Variants in ARHGAP15 observed in about 807,000 individuals in gnomAD.
ARHGAP15 encodes the protein Rho GTPase activating protein 15.
In ARHGAP15, 51 loss-of-function variants were observed where a neutral mutation model predicts 63.7. The ratio of observed to expected loss-of-function variants is 0.80; its 90% confidence interval spans 0.64 to 1.01. ARHGAP15 has a LOEUF of 1.01. Ranked by LOEUF, ARHGAP15 falls within the 50% of genes least tolerant of loss-of-function variation. ARHGAP15 has a pLI of 0.00. For missense variants in ARHGAP15, 560 were observed against 564.6 expected, an observed-to-expected ratio of 0.99 and a Z score of 0.08; for synonymous variants, 191 against 193.8, an observed-to-expected ratio of 0.99 and a Z score of 0.12.
chr2:143,595,370 A>C (rs546430725), intron 11 of ARHGAP15, among the ~76,000 whole-genome samples: 1 of 152,182 alleles, frequency 6.6e-6, no homozygotes, highest in South Asian at 2.1e-4. Context: ...AATGCATTAT[A>C]CTAAATAAGT....
intron 12 of ARHGAP15, among the ~76,000 whole-genome samples, chr2:143,658,905 G>A (rs1681598347): frequency 6.6e-6 from 1 of 152,206 alleles, no homozygotes; most frequent in Non-Finnish European, 1.5e-5. Context: ...CAGGGACTGA[G>A]TTCGGCTAAT....
intron 12 of ARHGAP15, among the ~76,000 whole-genome samples, chr2:143,624,921 A>T (rs977639916): frequency 1.3e-5 from 2 of 151,938 alleles, no homozygotes; most frequent in East Asian, 3.9e-4. Flanking sequence ...TAATTCATAA[A>T]ACACACACAC....
intron 6 of ARHGAP15, among the ~76,000 whole-genome samples, chr2:143,378,764 G>A (rs1480383976): frequency 6.6e-6 from 1 of 152,012 alleles, no homozygotes; most frequent in Non-Finnish European, 1.5e-5. Context: ...AAGACAGGTT[G>A]CTTGAGGAAA....
In ARHGAP15 at chr2:143,133,612, C is replaced by CT. The variant is rs1160896664; in HGVS notation, c.-15+4154dup. 3.9e-5 allele frequency among the ~76,000 whole-genome samples: 6 copies of CT among 151,938 alleles called. No homozygotes were observed. The East Asian group carries it at 5.8e-4, about 15-fold the overall frequency. On this transcript the variant is annotated intron_variant, in intron 1 of 13. Transcript: ENST00000295095. ...TTATTCAAGTTATGGTTATAACAAT[C>CT]TTTTTTTTCATTTGATGAAGGCCTT...
At chr2:143,248,303 G>C (rs1293281166) in intron 5 of ARHGAP15, among the ~76,000 whole-genome samples, 1 of 152,130 alleles carries the variant, frequency 6.6e-6, no homozygotes, top group Admixed American at 6.5e-5. Flanking sequence ...AGGTATTCCA[G>C]GTAAACAGGT....
intron 8 of ARHGAP15, among the ~76,000 whole-genome samples, chr2:143,462,260 G>T (rs1346268943): frequency 3.3e-5 from 5 of 152,136 alleles, no homozygotes; most frequent in Non-Finnish European, 7.4e-5. Flanking sequence ...TCTCCATTCT[G>T]CTGGGAATTG....
intron 8 of ARHGAP15, among the ~76,000 whole-genome samples, chr2:143,475,143 TC>T (rs1691752303): frequency 6.6e-6 from 1 of 152,192 alleles, no homozygotes; most frequent in Non-Finnish European, 1.5e-5. Flanking sequence ...TTTCTCTCCT[TC>T]TTTAGAAATG....
chr2:143,255,201 A>G (rs1027248841), intron 6 of ARHGAP15, among the ~76,000 whole-genome samples: 2 of 152,188 alleles, frequency 1.3e-5, no homozygotes, highest in African/African-American at 4.8e-5. Flanking sequence ...GAATATGTCA[A>G]TTACCTGTTT....
At chr2:143,156,098 C>T (rs1387442597) in intron 2 of ARHGAP15, among the ~76,000 whole-genome samples, 8 of 151,226 alleles carry the variant, frequency 5.3e-5, no homozygotes, top group Non-Finnish European at 1.0e-4. Context: ...CAATAATATA[C>T]GATACTGGAA....
chr2:143,751,111 T>G (rs968135244), intron 13 of ARHGAP15, among the ~76,000 whole-genome samples: 2 of 152,050 alleles, frequency 1.3e-5, no homozygotes, highest in African/African-American at 4.8e-5. Flanking sequence ...CCAACAGAAG[T>G]AAAGATGGAG....
At chr2:143,765,304 G>C (rs1244874984) in intron 13 of ARHGAP15, among the ~76,000 whole-genome samples, 1 of 152,052 alleles carries the variant, frequency 6.6e-6, no homozygotes, top group East Asian at 1.9e-4. Context: ...AGGTAGATGG[G>C]CATGTTAAAG....
chr2:143,157,855 G>A (rs1395712160), intron 2 of ARHGAP15, among the ~76,000 whole-genome samples: 1 of 151,832 alleles, frequency 6.6e-6, no homozygotes, highest in East Asian at 1.9e-4. Context: ...TTGGGTGGTG[G>A]GGTGAGGTCA....
chr2:143,187,201 T>C (rs1271064979), intron 2 of ARHGAP15, among the ~76,000 whole-genome samples: 6 of 152,192 alleles, frequency 3.9e-5, no homozygotes, highest in African/African-American at 1.4e-4. Flanking sequence ...ACTAGTTGAC[T>C]ATTTCTTGGG....
chr2:143,204,098 C>A (rs953652587), intron 3 of ARHGAP15, among the ~76,000 whole-genome samples: 1 of 152,066 alleles, frequency 6.6e-6, no homozygotes, highest in African/African-American at 2.4e-5. Flanking sequence ...CACCAAAGAA[C>A]CCAGTTTGCT....
intron 1 of ARHGAP15, among the ~76,000 whole-genome samples, chr2:143,145,622 T>A (rs1206411695): frequency 6.6e-6 from 1 of 152,050 alleles, no homozygotes; most frequent in African/African-American, 2.4e-5. Context: ...TGTATAACTC[T>A]TCCTATTCAA....
intron 13 of ARHGAP15, among the ~76,000 whole-genome samples, chr2:143,708,317 T>C (rs78697754): frequency 0.011 from 1,728 of 152,322 alleles, 13 homozygotes; most frequent in Non-Finnish European, 0.019. Flanking sequence ...ATTATTACAG[T>C]ATTTTATAGT....
In ARHGAP15 at chr2:143,275,122, C is replaced by T. The variant is rs145244213; in HGVS notation, c.474+24522C>T. On this transcript the variant is annotated intron_variant, in intron 6 of 13. Transcript: ENST00000295095. ...GCAGTGAGCCAAGATGGCACCACTGCACTCCAGCCCGGACAACAGAGACTC... is the reference window on the plus strand; with the variant it reads ...GCAGTGAGCCAAGATGGCACCACTGTACTCCAGCCCGGACAACAGAGACTC... Among the ~76,000 whole-genome samples, 81 of 152,254 alleles carry T rather than the reference C, an allele frequency of 5.3e-4. 1 individual carries two copies. The East Asian group carries it at 0.015, about 29-fold the overall frequency.
intron 6 of ARHGAP15, among the ~76,000 whole-genome samples, chr2:143,310,238 A>G (rs1353356751): frequency 1.3e-5 from 2 of 152,122 alleles, no homozygotes; most frequent in African/African-American, 4.8e-5. Flanking sequence ...CTGTAATACT[A>G]CAAGTAAAAA....
At chr2:143,152,363 G>C (rs1030820534) in intron 1 of ARHGAP15, among the ~76,000 whole-genome samples, 1 of 151,942 alleles carries the variant, frequency 6.6e-6, no homozygotes, top group Non-Finnish European at 1.5e-5. Context: ...AACCTGCACT[G>C]ACTTAGCTCT....
Sources: allele counts gnomAD v4.1 joint callset (sites outside exome capture counted in the v4.1 genomes callset), GRCh38; gene constraint gnomAD v4.1.1; transcripts MANE v1.5; gene names NCBI Gene and HGNC (gene_info 2026-07-23, HGNC 2026-07-21).